DHRSX: variants seen among roughly 807,000 people sequenced by gnomAD.
DHRSX encodes polyprenol dehydrogenase.
A neutral mutation model predicts 34.0 loss-of-function variants in DHRSX; 31 were observed. The observed-to-expected ratio is 0.91, with a 90% CI of 0.69 to 1.23. The LOEUF is 1.23. Among genes scored for constraint, DHRSX ranks in the 50% most tolerant of loss-of-function variants. DHRSX has a pLI of 0.00. For synonymous variants in DHRSX, 201 were observed against 183.8 expected (o/e 1.09, Z -0.76); for missense variants, 414 against 428.1 (o/e 0.97, Z 0.29).
intron 3 of DHRSX, among the ~76,000 whole-genome samples, chrX:2,359,797 A>G (rs1436311831): frequency 6.6e-6 from 1 of 152,182 alleles, no homozygotes; most frequent in Non-Finnish European, 1.5e-5. Flanking sequence ...GCTGGAGGCG[A>G]TTATCCTCAG....
At chrX:2,315,771 C>G (rs1183167336) in intron 3 of DHRSX, among the ~76,000 whole-genome samples, 2 of 152,122 alleles carry the variant, frequency 1.3e-5, no homozygotes, top group Admixed American at 6.6e-5. Flanking sequence ...TCAGACAAAG[C>G]TGAGATGACA....
intron 3 of DHRSX, among the ~76,000 whole-genome samples, chrX:2,302,481 A>G (rs1038307918): frequency 1.2e-4 from 19 of 152,140 alleles, no homozygotes; most frequent in Non-Finnish European, 2.2e-4. Context: ...GCATGGGGTC[A>G]GGCACCTGAA....
intron 1 of DHRSX, among the ~76,000 whole-genome samples, chrX:2,471,947 A>C (rs1450534231): frequency 6.6e-6 from 1 of 151,430 alleles, no homozygotes; most frequent in Non-Finnish European, 1.5e-5. Context: ...GGAGTTCAAA[A>C]CCAGCCTGGG....
chrX:2,358,080 G>C (rs950462572), intron 3 of DHRSX, among the ~76,000 whole-genome samples: 1 of 152,132 alleles, frequency 6.6e-6, no homozygotes, highest in African/African-American at 2.4e-5. Context: ...GTCTTCAAAA[G>C]GCAGAACCTG....
intron 1 of DHRSX, among the ~76,000 whole-genome samples, chrX:2,471,552 A>G (rs1355590927): frequency 6.8e-6 from 1 of 148,122 alleles, no homozygotes; most frequent in African/African-American, 2.6e-5. Flanking sequence ...CAACAAGAGC[A>G]AAACTCCATC....
chrX:2,455,163 G>A (rs2044278499), intron 1 of DHRSX, among the ~76,000 whole-genome samples: 1 of 151,672 alleles, frequency 6.6e-6, no homozygotes, highest in Non-Finnish European at 1.5e-5. Flanking sequence ...CATGGAGGTG[G>A]AGGCCATTAT....
intron 6 of DHRSX, among the ~76,000 whole-genome samples, chrX:2,235,950 A>G (rs2016004785): frequency 6.7e-6 from 1 of 149,574 alleles, no homozygotes; most frequent in African/African-American, 2.5e-5. Flanking sequence ...CATCTCTATT[A>G]AAAATATAAA....
rs760400146 is a variant in DHRSX at position 2,304,101 on chromosome X, A to G, written c.287-12498T>C. On this transcript the variant is annotated intron_variant, in intron 3 of 6. Transcript: ENST00000334651. Reference sequence around the variant, plus strand: ...GATGGGTGGGTGGGTGGATTGATGGATGGATAGATGGATGGATGGATAAAT... The same window carrying G: ...GATGGGTGGGTGGGTGGATTGATGGGTGGATAGATGGATGGATGGATAAAT... 9.2e-3 allele frequency among the ~76,000 whole-genome samples: 1,160 copies of G among 126,328 alleles called. 13 individuals carry two copies. Among genetic ancestry groups the G allele is most frequent in the Non-Finnish European group, 0.016 (887 of 54,716 alleles). 82.9% of individuals were successfully genotyped at this position (126,328 alleles called of 152,430 possible). A position where few individuals can be genotyped will look rare whatever the true frequency, so the allele number is the denominator to read the frequency against.
intron 3 of DHRSX, among the ~76,000 whole-genome samples, chrX:2,402,596 C>T (rs2043499717): frequency 6.6e-6 from 1 of 152,226 alleles, no homozygotes; most frequent in Non-Finnish European, 1.5e-5. Flanking sequence ...CCCCACCCAG[C>T]TGGGCCTCAG....
intron 6 of DHRSX, among the ~76,000 whole-genome samples, chrX:2,233,358 G>A (rs2015941520): frequency 9.0e-6 from 1 of 111,646 alleles, no homozygotes; most frequent in Non-Finnish European, 1.7e-5. Flanking sequence ...AACACATCCT[G>A]TTTTATCTAC....
intron 2 of DHRSX, among the ~76,000 whole-genome samples, chrX:2,415,513 C>T (rs1008356891): frequency 2.0e-5 from 3 of 151,590 alleles, no homozygotes; most frequent in East Asian, 1.9e-4. Context: ...TAGATATCAT[C>T]GTAATATAAT....
At chrX:2,432,364 G>A (rs1409350830) in intron 1 of DHRSX, among the ~76,000 whole-genome samples, 2 of 152,118 alleles carry the variant, frequency 1.3e-5, no homozygotes, top group African/African-American at 4.8e-5. Flanking sequence ...TGGACGAATC[G>A]ATTCGAAAAT....
rs1161751829 is a variant in DHRSX at position 2,491,131 on chromosome X, G to A, written c.109+9686C>T. ...GTCACCCAGGCTGCAGTGCAATGGCGTGATCTCAGCTCACTGCAACCTCCG... is the reference window on the plus strand; with the variant it reads ...GTCACCCAGGCTGCAGTGCAATGGCATGATCTCAGCTCACTGCAACCTCCG... On this transcript the variant is annotated intron_variant, in intron 1 of 6. Transcript: ENST00000334651. Among the ~76,000 whole-genome samples the A allele has an allele frequency of 3.4e-5, 5 of 148,476 alleles. No individual in the cohort carries two copies. In the Admixed American group the frequency reaches 3.4e-4, roughly 10 times the overall value.
chrX:2,377,884 G>T (rs1275685630), intron 3 of DHRSX, among the ~76,000 whole-genome samples: 1 of 152,040 alleles, frequency 6.6e-6, no homozygotes, highest in African/African-American at 2.4e-5. Flanking sequence ...GACTACAGGT[G>T]CGTGCCACCA....
chrX:2,282,405 A>C (rs745696510), intron 4 of DHRSX, among the ~76,000 whole-genome samples: 1 of 148,338 alleles, frequency 6.7e-6, no homozygotes, highest in Non-Finnish European at 1.5e-5. Flanking sequence ...AGAGAGAAAG[A>C]GAGAAAGGGG....
intron 1 of DHRSX, among the ~76,000 whole-genome samples, chrX:2,432,062 G>A (rs2043931802): frequency 6.6e-6 from 1 of 152,002 alleles, no homozygotes; most frequent in South Asian, 2.1e-4. Context: ...GTGGTGGTGT[G>A]TGCCACCTGT....
At chrX:2,347,001 AG>A (rs1298337890) in intron 3 of DHRSX, among the ~76,000 whole-genome samples, 1 of 152,190 alleles carries the variant, frequency 6.6e-6, no homozygotes, top group Non-Finnish European at 1.5e-5. Flanking sequence ...ATGGCTGCAT[AG>A]TATTCCATGG....
chrX:2,235,170 C>CAA (rs1334617211), intron 6 of DHRSX, among the ~76,000 whole-genome samples: 2 of 152,200 alleles, frequency 1.3e-5, no homozygotes, highest in Non-Finnish European at 2.9e-5. Context: ...ACAAACAACT[C>CAA]AGATACTGAA....
chrX:2,416,141 G>A (rs1479307702), intron 2 of DHRSX, among the ~76,000 whole-genome samples: 2 of 151,508 alleles, frequency 1.3e-5, no homozygotes, highest in African/African-American at 2.4e-5. Flanking sequence ...ATCTCGTCAT[G>A]ACCTAATACA....
Sources: gnomAD v4.1 joint callset for allele counts (sites outside exome capture counted in the v4.1 genomes callset) on GRCh38, gnomAD v4.1.1 for gene constraint, MANE v1.5 for transcripts, NCBI Gene and HGNC (gene_info 2026-07-23, HGNC 2026-07-21) for gene names.